FAM227B: variants seen among roughly 807,000 people sequenced by gnomAD.
FAM227B encodes the protein protein FAM227B.
FAM227B carries 88 observed loss-of-function variants against 73.8 expected under a neutral mutation model. The ratio of observed to expected loss-of-function variants is 1.19; its 90% confidence interval spans 1.00 to 1.42. The LOEUF (loss-of-function observed/expected upper bound fraction) is 1.42. FAM227B is among the 40% of genes most tolerant of loss of function. FAM227B has a pLI of 0.00. For synonymous variants in FAM227B, 210 were observed against 190.5 expected (o/e 1.10, Z -0.84); for missense variants, 632 against 590.9 (o/e 1.07, Z -0.72).
chr15:49,557,643 C>A (rs2073842010), intron 9 of FAM227B, among the ~76,000 whole-genome samples: 1 of 152,244 alleles, frequency 6.6e-6, no homozygotes, highest in Admixed American at 6.5e-5. Context: ...CAGCTGCCCA[C>A]CCAGAACTGA....
intron 10 of FAM227B, among the ~76,000 whole-genome samples, chr15:49,538,563 TTC>T (rs1479654738): frequency 1.3e-5 from 2 of 152,152 alleles, no homozygotes; most frequent in Non-Finnish European, 2.9e-5. Context: ...GTCCTGCCCT[TTC>T]TCTCTCTTCA....
At chr15:49,515,935 C>T (rs2059347823) in intron 10 of FAM227B, among the ~76,000 whole-genome samples, 1 of 152,032 alleles carries the variant, frequency 6.6e-6, no homozygotes, top group South Asian at 2.1e-4. Flanking sequence ...CAGTGATGGG[C>T]TATGTTCCTG....
At chr15:49,587,545 G>C (rs2076243162) in intron 5 of FAM227B, among the ~76,000 whole-genome samples, 1 of 151,968 alleles carries the variant, frequency 6.6e-6, no homozygotes, top group African/African-American at 2.4e-5. Flanking sequence ...GTGATACAAA[G>C]TTTTTCTAGC....
chr15:49,500,322 G>A (rs995056136), intron 11 of FAM227B, among the ~76,000 whole-genome samples: 4 of 152,222 alleles, frequency 2.6e-5, no homozygotes, highest in African/African-American at 4.8e-5. Context: ...CACTTCAGCA[G>A]GCACTCAATA....
chr15:49,472,056 C>A lies in FAM227B; in HGVS notation c.1012+36155G>T, dbSNP rs529300070. 2.0e-5 allele frequency among the ~76,000 whole-genome samples: 3 copies of A among 150,112 alleles called. No homozygotes were observed. The East Asian group carries it at 5.8e-4, about 29-fold the overall frequency. On this transcript the variant is annotated intron_variant, in intron 11 of 15. Coordinates refer to ENST00000299338, the MANE Select transcript of FAM227B (RefSeq NM_152647.3). The stretch of plus-strand genomic sequence containing the variant: ...AAAAGCTGTGAAAGTAAACACCTGG[C>A]CATTAACAACAGTGTTGAAAATAAG...
chr15:49,366,777 G>A (rs2045285140), intron 13 of FAM227B: 5 of 634,016 alleles, frequency 7.9e-6, no homozygotes, highest in East Asian at 6.0e-5. Flanking sequence ...CGTGGCGGGG[G>A]CGGCCGGGCT....
intron 13 of FAM227B, among the ~76,000 whole-genome samples, chr15:49,341,845 GT>G: frequency 6.6e-6 from 1 of 152,084 alleles, no homozygotes; most frequent in Non-Finnish European, 1.5e-5. Flanking sequence ...ATTCAATTGT[GT>G]GGTTTTGGGA....
At chr15:49,489,858 TTTTATATATATATATATATATATATAG>T (rs1468029820) in intron 11 of FAM227B, among the ~76,000 whole-genome samples, 386 of 7,360 alleles carry the variant, frequency 0.052, 68 homozygotes, top group East Asian at 0.12. Flanking sequence ...TATATATATA[TTTTATATATATATATATATATATATAG>T]AGAGAGAGAG....
intron 8 of FAM227B, among the ~76,000 whole-genome samples, chr15:49,571,841 A>G (rs2075128216): frequency 6.6e-6 from 1 of 151,898 alleles, no homozygotes; most frequent in Admixed American, 6.6e-5. Flanking sequence ...GATCTTCTGC[A>G]GTTCCATATA....
chr15:49,604,430 A>G (rs1348211715), intron 3 of FAM227B, among the ~76,000 whole-genome samples: 1 of 152,036 alleles, frequency 6.6e-6, no homozygotes, highest in African/African-American at 2.4e-5. Flanking sequence ...TTATAATCTT[A>G]TAACTGTATA....
At position 49,503,006 on chromosome 15, in the gene FAM227B, G is replaced by C. The variant is rs148860580; in HGVS notation, c.1012+5205C>G. Among the ~76,000 whole-genome samples the C allele has an allele frequency of 6.9e-3, 1,049 of 152,192 alleles. 20 individuals carry two copies. Among genetic ancestry groups the C allele is most frequent in the African/African-American group, 0.024 (1,001 of 41,530 alleles). ...AAAAGAACAAAGCTGGAGGCATCAC[G>C]TTACCTGACTTCAAACTATACTACA... On this transcript the variant is annotated intron_variant, in intron 11 of 15. Coordinates refer to ENST00000299338, the MANE Select transcript of FAM227B (RefSeq NM_152647.3).
At chr15:49,614,042 AT>A (rs776922047) in intron 2 of FAM227B, among the ~76,000 whole-genome samples, 13 of 152,244 alleles carry the variant, frequency 8.5e-5, no homozygotes, top group Non-Finnish European at 1.8e-4. Context: ...AATGAAAACA[AT>A]TTAAGCATTG....
chr15:49,465,286 T>C (rs2054165441), intron 11 of FAM227B, among the ~76,000 whole-genome samples: 1 of 149,760 alleles, frequency 6.7e-6, no homozygotes, highest in Non-Finnish European at 1.5e-5. Flanking sequence ...CCTGCCACCA[T>C]GTCTGGCTTT....
chr15:49,483,552 T>A (rs2056141897), intron 11 of FAM227B, among the ~76,000 whole-genome samples: 2 of 152,154 alleles, frequency 1.3e-5, no homozygotes, highest in South Asian at 4.1e-4. Flanking sequence ...AATCCAAAAT[T>A]TCCATTTGCC....
At chr15:49,365,390 G>A (rs2044966215) in intron 13 of FAM227B, 8 of 1,186,478 alleles carry the variant, frequency 6.7e-6, no homozygotes, top group East Asian at 2.3e-5. Context: ...TATATACGAA[G>A]AACCAGTCTA....
chr15:49,590,857 T>C (rs771099354), intron 3 of FAM227B, among the ~76,000 whole-genome samples: 5 of 152,058 alleles, frequency 3.3e-5, no homozygotes, highest in Non-Finnish European at 5.9e-5. Flanking sequence ...TCCATTCTAC[T>C]CTCTGCTCCT....
At chr15:49,536,252 C>A (rs150098699) in intron 10 of FAM227B, among the ~76,000 whole-genome samples, 1 of 151,608 alleles carries the variant, frequency 6.6e-6, no homozygotes, top group South Asian at 2.1e-4. Flanking sequence ...AGTCAATATA[C>A]AATAACCAAT....
intron 11 of FAM227B, among the ~76,000 whole-genome samples, chr15:49,481,291 C>G (rs1217892819): frequency 6.6e-6 from 1 of 152,152 alleles, no homozygotes; most frequent in Admixed American, 6.5e-5. Context: ...ACATTTATTC[C>G]ATTTTGGAGG....
intron 13 of FAM227B, among the ~76,000 whole-genome samples, chr15:49,351,384 G>C (rs1449911956): frequency 6.6e-6 from 1 of 152,122 alleles, no homozygotes; most frequent in African/African-American, 2.4e-5. Context: ...CCAAACTCTG[G>C]AGCATGCAAC....
Sources: allele counts gnomAD v4.1 joint callset (sites outside exome capture counted in the v4.1 genomes callset), GRCh38; gene constraint gnomAD v4.1.1; transcripts MANE v1.5; gene names NCBI Gene and HGNC (gene_info 2026-07-23, HGNC 2026-07-21).